TIAM1: variants seen among roughly 807,000 people sequenced by gnomAD.
The protein encoded by TIAM1 is TIAM Rac1 associated GEF 1, also known as rho guanine nucleotide exchange factor TIAM1.
TIAM1 carries 65 observed loss-of-function variants against 163.5 expected under a neutral mutation model. That is an observed-to-expected ratio of 0.40 (90% confidence interval 0.33 to 0.49). The LOEUF (loss-of-function observed/expected upper bound fraction) is 0.49. TIAM1 is among the 20% of genes least tolerant of loss of function. The probability of loss-of-function intolerance (pLI) is 0.77; values close to 1 mark genes in which losing one functional copy is unlikely to be tolerated. For synonymous variants in TIAM1, 833 were observed against 810.1 expected, an observed-to-expected ratio of 1.03 and a Z score of -0.48; for missense variants, 1,789 against 2,044.7, an observed-to-expected ratio of 0.87 and a Z score of 2.41.
chr21:31,270,937 C>A (rs1016338635), intron 3 of TIAM1, among the ~76,000 whole-genome samples: 1 of 152,178 alleles, frequency 6.6e-6, no homozygotes, highest in South Asian at 2.1e-4. Flanking sequence ...TTCCTTCAGA[C>A]CTTCAATCAA....
intron 2 of TIAM1, among the ~76,000 whole-genome samples, chr21:31,419,845 G>A (rs2043503141): frequency 6.6e-6 from 1 of 152,194 alleles, no homozygotes; most frequent in African/African-American, 2.4e-5. Flanking sequence ...GAGGTCAGGA[G>A]TTCAAGACCA....
rs753647509 is a variant in TIAM1, at chr21:31,182,538, C to T, written c.2770G>A (p.Val924Met). The stretch of plus-strand genomic sequence containing the variant: ...TCCTCCAGCTCGGGGTAGGTCCTCA[C>T]CAGGAGGCCCAGCGAGGGCTGTGAG... ...FLSQPSLGLLVRTYPELEEGV... is the reference protein window; with the variant it reads ...FLSQPSLGLLMRTYPELEEGV... Residue 924 changes from valine (V) to methionine (M), a missense_variant, in exon 15 of 28, where the codon GTG becomes ATG. By Grantham distance (21) the Val-to-Met change is conservative. This residue lies in a region of TIAM1 where 303 missense variants were observed against 321.3 expected (regional missense o/e 0.94). Transcript: ENST00000541036. 1.2e-6 allele frequency: 2 copies of T among 1,613,998 alleles called. No individual in the cohort carries two copies. Among genetic ancestry groups the T allele is most frequent in the Non-Finnish European group, 1.7e-6 (2 of 1,179,934 alleles).
intron 1 of TIAM1, among the ~76,000 whole-genome samples, chr21:31,340,870 A>G (rs74493977): frequency 6.1e-5 from 8 of 131,280 alleles, no homozygotes; most frequent in South Asian, 2.3e-4. Context: ...AACTGAGAGG[A>G]AAAAAAAAAA....
At chr21:31,502,044 T>C (rs1426231770) in intron 1 of TIAM1, among the ~76,000 whole-genome samples, 2 of 152,232 alleles carry the variant, frequency 1.3e-5, no homozygotes, top group Non-Finnish European at 2.9e-5. Flanking sequence ...ATCCTATTTA[T>C]TCTCCCCCAG....
At chr21:31,499,048 T>G (rs2046762874) in intron 1 of TIAM1, among the ~76,000 whole-genome samples, 1 of 151,812 alleles carries the variant, frequency 6.6e-6, no homozygotes, top group African/African-American at 2.4e-5. Flanking sequence ...AGGGTCCTTT[T>G]CCCCCAGAAC....
At chr21:31,351,053 T>C (rs1569255887) in intron 2 of TIAM1, among the ~76,000 whole-genome samples, 1 of 152,220 alleles carries the variant, frequency 6.6e-6, no homozygotes, top group Non-Finnish European at 1.5e-5. Flanking sequence ...GATTTCACTC[T>C]AGGAATACTT....
chr21:31,503,643 T>G, intron 1 of TIAM1, among the ~76,000 whole-genome samples: 1 of 42,320 alleles, frequency 2.4e-5, no homozygotes, highest in Non-Finnish European at 4.6e-5. Flanking sequence ...CAAAATACAC[T>G]TGCTTTTTCT....
At chr21:31,372,472 C>T (rs10222044) in intron 2 of TIAM1, among the ~76,000 whole-genome samples, 2 of 152,182 alleles carry the variant, frequency 1.3e-5, no homozygotes, top group Non-Finnish European at 2.9e-5. Context: ...CCAACCCCTG[C>T]TCAGCCGGAA....
intron 19 of TIAM1, among the ~76,000 whole-genome samples, chr21:31,147,639 T>G (rs555777722): frequency 6.8e-6 from 1 of 147,234 alleles, no homozygotes; most frequent in East Asian, 2.0e-4. Context: ...ACATTATATA[T>G]AGAGATATGT....
At chr21:31,446,271 T>A (rs2147313214) in intron 2 of TIAM1, among the ~76,000 whole-genome samples, 2 of 152,276 alleles carry the variant, frequency 1.3e-5, no homozygotes, top group Middle Eastern at 6.8e-3. Context: ...TACCCTACCA[T>A]TGGCTGAAAT....
intron 2 of TIAM1, among the ~76,000 whole-genome samples, chr21:31,287,268 G>A (rs1306103861): frequency 1.3e-5 from 2 of 152,200 alleles, no homozygotes; most frequent in Non-Finnish European, 2.9e-5. Flanking sequence ...TCTAAAAACT[G>A]CTTATGAATT....
chr21:31,259,629 A>AAATAATAATAATAATAAT (rs61401734), intron 4 of TIAM1, among the ~76,000 whole-genome samples: 5 of 146,262 alleles, frequency 3.4e-5, no homozygotes, highest in South Asian at 2.2e-4. Flanking sequence ...TAAAAAAATA[A>AAATAATAATAATAATAAT]AATAATAATA....
At position 31,542,299 on chromosome 21, in the gene TIAM1, T is replaced by C. The variant is rs1248950354; in HGVS notation, c.-422+16628A>G. Among the ~76,000 whole-genome samples the C allele has an allele frequency of 2.0e-5, 3 of 152,122 alleles. No homozygotes were observed. The East Asian group carries it at 5.8e-4, about 29-fold the overall frequency. ...AAAATTAGCCGGGCGTGGTGGTGTG[T>C]GCCTGTATTCCCAGCTTCTGGGGAG... is the stretch of plus-strand genomic sequence containing the variant. On this transcript the variant is annotated intron_variant, in intron 1 of 28. Transcript: ENST00000286827.
chr21:31,162,186 G>A (rs1002620092), intron 16 of TIAM1, among the ~76,000 whole-genome samples: 7 of 152,086 alleles, frequency 4.6e-5, no homozygotes, highest in African/African-American at 9.7e-5. Flanking sequence ...TCAGCAAGTC[G>A]CTTAACCTCT....
At chr21:31,326,846 G>C (rs1424684085) in intron 2 of TIAM1, among the ~76,000 whole-genome samples, 1 of 152,148 alleles carries the variant, frequency 6.6e-6, no homozygotes, top group Non-Finnish European at 1.5e-5. Context: ...ATGAAAAGAG[G>C]ACCAGATGTG....
chr21:31,224,056 G>GTA (rs2087784200), intron 7 of TIAM1, among the ~76,000 whole-genome samples: 1 of 152,186 alleles, frequency 6.6e-6, no homozygotes, highest in Admixed American at 6.5e-5. Context: ...AACACAAGAT[G>GTA]GTGGAGACCC....
intron 1 of TIAM1, among the ~76,000 whole-genome samples, chr21:31,467,171 T>G (rs2045564181): frequency 6.6e-6 from 1 of 152,136 alleles, no homozygotes; most frequent in African/African-American, 2.4e-5. Flanking sequence ...CCATAAAAAC[T>G]TCTTTTAAAG....
At chr21:31,312,354 G>C (rs1245386921) in intron 2 of TIAM1, among the ~76,000 whole-genome samples, 1 of 152,132 alleles carries the variant, frequency 6.6e-6, no homozygotes, top group East Asian at 1.9e-4. Flanking sequence ...TGAGCCATGA[G>C]AGTTAAGCAC....
chr21:31,551,500 AGGCT>A (rs1433099377), intron 1 of TIAM1, among the ~76,000 whole-genome samples: 1 of 152,194 alleles, frequency 6.6e-6, no homozygotes, highest in Non-Finnish European at 1.5e-5. Flanking sequence ...GAACTTTGGG[AGGCT>A]GAGGCAGGAG....
Sources: gnomAD v4.1 joint callset for allele counts (sites outside exome capture counted in the v4.1 genomes callset) on GRCh38, gnomAD v4.1.1 for gene constraint, gnomAD v4.1.1 regional missense constraint, MANE v1.5 for transcripts, NCBI Gene and HGNC (gene_info 2026-07-23, HGNC 2026-07-21) for gene names.